ZNF777: variants seen among roughly 807,000 people sequenced by gnomAD.
The protein encoded by ZNF777 is zinc finger protein 777.
A neutral mutation model predicts 72.1 loss-of-function variants in ZNF777; 7 were observed. The observed-to-expected ratio is 0.10, with a 90% CI of 0.06 to 0.18. The LOEUF (loss-of-function observed/expected upper bound fraction) is 0.18, where lower values mean the gene tolerates loss of function less well. Ranked by LOEUF, ZNF777 falls within the 10% of genes least tolerant of loss-of-function variation. The pLI is 1.00. For synonymous variants in ZNF777, 545 were observed against 483.5 expected, an observed-to-expected ratio of 1.13 and a Z score of -1.67; for missense variants, 828 against 1,128.6, an observed-to-expected ratio of 0.73 and a Z score of 3.82.
chr7:149,435,959 GC>G (rs752503824), intron 5 of ZNF777, among the ~76,000 whole-genome samples: 5 of 152,132 alleles, frequency 3.3e-5, no homozygotes, highest in Non-Finnish European at 5.9e-5. Flanking sequence ...ATCAAGTAGG[GC>G]TTTTCCCGGG....
intron 1 of ZNF777, among the ~76,000 whole-genome samples, chr7:149,458,387 C>T (rs1308840570): frequency 6.6e-6 from 1 of 152,100 alleles, no homozygotes; most frequent in Non-Finnish European, 1.5e-5. Flanking sequence ...ACATTACAGC[C>T]CTTGCCTTAG....
At chr7:149,437,843 G>T (rs1585689951) in intron 4 of ZNF777, among the ~76,000 whole-genome samples, 3 of 113,678 alleles carry the variant, frequency 2.6e-5, no homozygotes, top group Non-Finnish European at 3.6e-5. Context: ...CCTCTTCTGT[G>T]TTCCTCTACT....
intron 5 of ZNF777, among the ~76,000 whole-genome samples, chr7:149,434,642 G>A (rs966883138): frequency 6.6e-6 from 1 of 151,856 alleles, no homozygotes; most frequent in Non-Finnish European, 1.5e-5. Context: ...GAGTGCAGTG[G>A]CACGATCTCG....
intron 4 of ZNF777, among the ~76,000 whole-genome samples, chr7:149,442,955 A>T (rs1292749674): frequency 1.3e-5 from 2 of 152,234 alleles, no homozygotes; most frequent in Admixed American, 6.5e-5. Context: ...TCTCATGCTT[A>T]GAAGGGTGAA....
rs189790879 is a variant in ZNF777, at chr7:149,450,984, C to T, written c.1087+15G>A. ...ATCTAGAATGCAGAGCTGCAGATCA[C>T]CCTTAGCCACTCACCAGCACTGGGA... is the stretch of plus-strand genomic sequence containing the variant. On this transcript the variant is annotated intron_variant, in intron 4 of 5. Coordinates refer to ENST00000247930, the MANE Select transcript of ZNF777 (RefSeq NM_015694.3). 3.1e-3 allele frequency: 4,981 copies of T among 1,607,186 alleles called. 19 individuals carry two copies. The highest frequency in any genetic ancestry group is 0.01 in the Middle Eastern group (63 of 6,054).
chr7:149,460,451 C>T lies in ZNF777; in HGVS notation c.-16+364G>A, dbSNP rs1799927770. 6.8e-6 allele frequency among the ~76,000 whole-genome samples: 1 copy of T among 147,142 alleles called. No individual in the cohort carries two copies. Among genetic ancestry groups the T allele is most frequent in the South Asian group, 2.1e-4 (1 of 4,816 alleles). ...CTGGGCCCCGGCCCTCAACGGCGGCCCCCGGCCCGCGCGCCGCCCCTCTGC... is the reference window on the plus strand; with the variant it reads ...CTGGGCCCCGGCCCTCAACGGCGGCTCCCGGCCCGCGCGCCGCCCCTCTGC... On this transcript the variant is annotated intron_variant, in intron 1 of 5. Transcript: ENST00000247930. The surrounding 1 kb of genome is among the most constrained non-coding windows in gnomAD (Gnocchi z 6.1).
At chr7:149,445,638 C>T (rs882794) in intron 4 of ZNF777, among the ~76,000 whole-genome samples, 67,191 of 152,016 alleles carry the variant, frequency 0.44, 14,982 homozygotes, top group African/African-American at 0.48. Flanking sequence ...GAGGTCTCAA[C>T]ATCTGCACGT....
chr7:149,452,219 C>T (rs561770591), intron 3 of ZNF777, among the ~76,000 whole-genome samples: 25 of 151,626 alleles, frequency 1.6e-4, no homozygotes, highest in South Asian at 4.2e-4. Flanking sequence ...GAGCCGAGAT[C>T]GCGCCACTGC....
In ZNF777 at chr7:149,432,874, A is replaced by C. The variant is rs1014686097; in HGVS notation, c.1398T>G (p.Asp466Glu). 7 of 1,557,138 alleles carry C rather than the reference A, an allele frequency of 4.5e-6. No individual in the cohort carries two copies. Among genetic ancestry groups the C allele is most frequent in the Non-Finnish European group, 6.1e-6 (7 of 1,151,748 alleles). The part of the protein sequence containing the change: ...QDEEEEEEEE[D>E]ELPQHLQSLG... Reference sequence around the variant, plus strand: ...GGGATTGCAAGTGCTGCGGCAGCTCATCCTCCTCCTCCTCTTCTTCCTCCT... The same window carrying C: ...GGGATTGCAAGTGCTGCGGCAGCTCCTCCTCCTCCTCCTCTTCTTCCTCCT... Residue 466 changes from aspartate (D) to glutamate (E), a missense_variant, in exon 6 of 6, where the codon GAT becomes GAG. By Grantham distance (45) the Asp-to-Glu change is conservative (BLOSUM62 2). This residue lies in a region of ZNF777 where 219 missense variants were observed against 223.0 expected (regional missense o/e 0.98). Coordinates refer to ENST00000247930, the MANE Select transcript of ZNF777 (RefSeq NM_015694.3).
intron 4 of ZNF777, among the ~76,000 whole-genome samples, chr7:149,444,976 T>A (rs1799579504): frequency 6.6e-6 from 1 of 152,192 alleles, no homozygotes; most frequent in African/African-American, 2.4e-5. Flanking sequence ...CTGCTACTCT[T>A]TTTCTGGATA....
At position 149,431,665 on chromosome 7, in the gene ZNF777, G is replaced by T. The variant is rs1483823008; in HGVS notation, c.*111C>A. ...GACGAGAGGAGAGGGGGAGCTCACG[G>T]CAAAGGGGCTGGGGGGCGCCCCGCC... On this transcript the variant is annotated 3_prime_UTR_variant, in exon 6 of 6. Coordinates refer to ENST00000247930, the MANE Select transcript of ZNF777 (RefSeq NM_015694.3). 1.9e-6 allele frequency: 2 copies of T among 1,061,402 alleles called. No individual in the cohort carries two copies. The highest frequency in any genetic ancestry group is 2.4e-6 in the Non-Finnish European group (2 of 834,012). 65.7% of individuals were successfully genotyped at this position (1,061,402 alleles called of 1,614,324 possible). A position where few individuals can be genotyped will look rare whatever the true frequency, so the allele number is the denominator to read the frequency against.
intron 4 of ZNF777, among the ~76,000 whole-genome samples, chr7:149,440,894 T>G (rs991529885): frequency 6.6e-6 from 1 of 152,100 alleles, no homozygotes; most frequent in African/African-American, 2.4e-5. Flanking sequence ...GTGCCTTCAA[T>G]ACCTGGCCCT....
rs967782029 is a variant in ZNF777 at position 149,460,365 on chromosome 7, G to A, written c.-16+450C>T. ...CGCGGGGTCGCGGAGCCCGAGCGGC[G>A]GCGTCGGAGCTGGGCGCGCGGCTGT... On this transcript the variant is annotated intron_variant, in intron 1 of 5. Transcript: ENST00000247930. The surrounding 1 kb of genome is among the most constrained non-coding windows in gnomAD (Gnocchi z 6.1). Among the ~76,000 whole-genome samples, 15 of 145,902 alleles carry A rather than the reference G, an allele frequency of 1.0e-4. No individual in the cohort carries two copies. Among genetic ancestry groups the A allele is most frequent in the Admixed American group, 6.8e-4 (10 of 14,718 alleles).
Position 149,448,510 on chromosome 7 carries a change from T to TATATAAAA in ZNF777, c.1087+2488_1087+2489insTTTTATAT, listed in dbSNP as rs1351675498. On this transcript the variant is annotated intron_variant, in intron 4 of 5. Coordinates refer to ENST00000247930, the MANE Select transcript of ZNF777 (RefSeq NM_015694.3). ...CTATATATATATATATATATATATA[T>TATATAAAA]AACTATATATAGTTATACATATAGT... Among the ~76,000 whole-genome samples, 18 of 122,364 alleles carry TATATAAAA rather than the reference T, an allele frequency of 1.5e-4. 2 individuals are homozygous for TATATAAAA. The highest frequency in any genetic ancestry group is 6.1e-4 in the African/African-American group (16 of 26,322). 80.3% of individuals were successfully genotyped at this position (122,364 alleles called of 152,430 possible). A position where few individuals can be genotyped will look rare whatever the true frequency, so the allele number is the denominator to read the frequency against.
At chr7:149,438,301 A>G (rs1799452273) in intron 4 of ZNF777, among the ~76,000 whole-genome samples, 2 of 152,200 alleles carry the variant, frequency 1.3e-5, no homozygotes, top group Non-Finnish European at 2.9e-5. Flanking sequence ...CCTGGCTTCA[A>G]ATCAATTTCT....
chr7:149,438,278 A>G lies in ZNF777; in HGVS notation c.1088-1452T>C, dbSNP rs554981022. On this transcript the variant is annotated intron_variant, in intron 4 of 5. Coordinates refer to ENST00000247930, the MANE Select transcript of ZNF777 (RefSeq NM_015694.3). Reference sequence around the variant, plus strand: ...CTCCCAAAGTGCTGGAATTACAGGCATGAGCCACCACACCTGGCTTCAAAT... The same window carrying G: ...CTCCCAAAGTGCTGGAATTACAGGCGTGAGCCACCACACCTGGCTTCAAAT... Among the ~76,000 whole-genome samples the G allele has an allele frequency of 2.0e-5, 3 of 152,314 alleles. No homozygotes were observed. The South Asian group carries it at 6.2e-4, about 32-fold the overall frequency.
At chr7:149,448,956 G>A (rs889099185) in intron 4 of ZNF777, among the ~76,000 whole-genome samples, 1 of 152,096 alleles carries the variant, frequency 6.6e-6, no homozygotes, top group Non-Finnish European at 1.5e-5. Flanking sequence ...TGTCATGTTT[G>A]GTATATTTGG....
rs531282120 is a variant in ZNF777 at position 149,455,868 on chromosome 7, C to G, written c.155G>C (p.Arg52Pro). Residue 52 changes from arginine (R) to proline (P), a missense_variant, in exon 2 of 6, where the codon CGT becomes CCT. Arg to Pro is a moderately radical substitution (Grantham distance 103, BLOSUM62 -2). This residue lies in a region of ZNF777 where 222 missense variants were observed against 211.2 expected (regional missense o/e 1.05). Coordinates refer to ENST00000247930, the MANE Select transcript of ZNF777 (RefSeq NM_015694.3). This position sits in a 1 kb window ranked among gnomAD's most constrained non-coding sequence, Gnocchi z 4.2. Reference protein sequence around the residue: ...EIPSLSPTIPRQGSLPQTSSA... With the variant: ...EIPSLSPTIPPQGSLPQTSSA... ...GGAAGTTTGGGGCAGGGAGCCTTGA[C>G]GGGGAATGGTGGGAGACAAAGAAGG... is the stretch of plus-strand genomic sequence containing the variant. The G allele has an allele frequency of 6.2e-7, 1 of 1,613,176 alleles. No homozygotes were observed. Among genetic ancestry groups the G allele is most frequent in the Non-Finnish European group, 8.5e-7 (1 of 1,179,882 alleles).
At chr7:149,458,205 C>T (rs1799869723) in intron 1 of ZNF777, among the ~76,000 whole-genome samples, 1 of 152,152 alleles carries the variant, frequency 6.6e-6, no homozygotes, top group Admixed American at 6.5e-5. Context: ...AGGGCACATA[C>T]ACAGAATTTT....
Sources: allele counts gnomAD v4.1 joint callset (sites outside exome capture counted in the v4.1 genomes callset), GRCh38; gene constraint gnomAD v4.1.1; regional missense constraint gnomAD v4.1.1; non-coding constraint Gnocchi (gnomAD v3.1); transcripts MANE v1.5; gene names NCBI Gene and HGNC (gene_info 2026-07-23, HGNC 2026-07-21).